FAM193A: variants seen among roughly 807,000 people sequenced by gnomAD.
The protein encoded by FAM193A is family with sequence similarity 193 member A.
Under a neutral mutation model 126.5 loss-of-function variants are expected in FAM193A, and 22 were observed. The observed-to-expected ratio is 0.17, with a 90% CI of 0.12 to 0.25. The LOEUF (loss-of-function observed/expected upper bound fraction) is 0.25. Ranked by LOEUF, FAM193A falls within the 10% of genes least tolerant of loss-of-function variation. The pLI is 1.00. For missense variants in FAM193A, 1,675 were observed against 1,672.8 expected (o/e 1.00, Z -0.02); for synonymous variants, 761 against 646.8 (o/e 1.18, Z -2.68).
chr4:2,690,838 G>A lies in FAM193A; in HGVS notation c.2671G>A (p.Asp891Asn). Residue 891 changes from aspartate to asparagine, a missense_variant, in exon 15 of 21, where the codon GAT (aspartate) becomes AAT (asparagine). Physicochemically the swap from Asp to Asn is conservative, Grantham distance 23. Around this residue, in one of 4 missense-constraint regions of FAM193A, gnomAD observed 1,186 missense variants for 1,109.2 expected, o/e 1.07. Coordinates refer to ENST00000637812, the MANE Select transcript of FAM193A (RefSeq NM_001366318.2). ...AKKKCLYNFQDAFMEANKVVM... is the reference protein window; with the variant it reads ...AKKKCLYNFQNAFMEANKVVM... ...AAAGAAATGTTTATACAATTTCCAA[G>A]ATGCTTTCATGGAAGCAAATAAAGT... The A allele has an allele frequency of 6.2e-7, 1 of 1,614,184 alleles. No homozygotes were observed. Among genetic ancestry groups the A allele is most frequent in the Non-Finnish European group, 8.5e-7 (1 of 1,180,038 alleles).
intron 19 of FAM193A, chr4:2,708,135 T>C (rs1169147474): frequency 4.5e-6 from 2 of 448,874 alleles, no homozygotes; most frequent in African/African-American, 2.0e-5. Flanking sequence ...TGTTTGTTTG[T>C]TTATTTCGAG....
chr4:2,542,329 G>A (rs1256858737), intron 1 of FAM193A, among the ~76,000 whole-genome samples: 2 of 151,874 alleles, frequency 1.3e-5, no homozygotes, highest in African/African-American at 4.8e-5. Flanking sequence ...TAGTAGAGAC[G>A]GGGTTTCACC....
chr4:2,621,954 T>C (rs1334453388), intron 2 of FAM193A, among the ~76,000 whole-genome samples: 2 of 152,138 alleles, frequency 1.3e-5, no homozygotes, highest in East Asian at 1.9e-4. Context: ...AGGTCCAGTC[T>C]ACATAAAAAC....
chr4:2,594,691 C>T (rs1002687445), intron 1 of FAM193A, among the ~76,000 whole-genome samples: 1 of 152,070 alleles, frequency 6.6e-6, no homozygotes, highest in African/African-American at 2.4e-5. Flanking sequence ...AAGGACCCGT[C>T]TTAGGATTGG....
At chr4:2,546,868 C>CA (rs1194042877) in intron 1 of FAM193A, among the ~76,000 whole-genome samples, 1 of 152,180 alleles carries the variant, frequency 6.6e-6, no homozygotes, top group Non-Finnish European at 1.5e-5. Flanking sequence ...TTTGCCTACT[C>CA]ACGCAATGTC....
chr4:2,536,243 G>A (rs1451213502), upstream of FAM193A, among the ~76,000 whole-genome samples: 2 of 151,490 alleles, frequency 1.3e-5, no homozygotes, highest in African/African-American at 4.8e-5. Flanking sequence ...TTTGCCTCGC[G>A]GGCGGCGGCG....
intron 1 of FAM193A, among the ~76,000 whole-genome samples, chr4:2,537,530 C>G (rs954872400): frequency 6.6e-6 from 1 of 152,242 alleles, no homozygotes; most frequent in Admixed American, 6.5e-5. Context: ...CTTCGCCTTC[C>G]GCTGGACCCG....
intron 20 of FAM193A, 76 bp from the exon 21 acceptor site, chr4:2,731,699 G>A (rs185139597): frequency 8.9e-7 from 1 of 1,120,416 alleles, no homozygotes; most frequent in African/African-American, 1.5e-5. Flanking sequence ...GAACAGGAGT[G>A]TGATGGGCTT....
At chr4:2,687,570 G>A (rs143260541) in intron 13 of FAM193A, among the ~76,000 whole-genome samples, 407 of 152,308 alleles carry the variant, frequency 2.7e-3, no homozygotes, top group African/African-American at 7.6e-3. Flanking sequence ...AGTGGAGCCA[G>A]CAGTGGTAGC....
chr4:2,723,820 G>T (rs543487717), intron 20 of FAM193A, among the ~76,000 whole-genome samples: 1 of 151,918 alleles, frequency 6.6e-6, no homozygotes, highest in African/African-American at 2.4e-5. Context: ...GTTTTGTTTT[G>T]TTTTTTTGAG....
intron 2 of FAM193A, among the ~76,000 whole-genome samples, chr4:2,604,980 TA>T (rs368416874): frequency 1.4e-4 from 21 of 150,060 alleles, no homozygotes; most frequent in East Asian, 7.8e-4. Context: ...TTTTTTTTTT[TA>T]AATTTTTTGT....
At chr4:2,710,418 C>A (rs371180092) in intron 19 of FAM193A, among the ~76,000 whole-genome samples, 10 of 152,026 alleles carry the variant, frequency 6.6e-5, no homozygotes, top group African/African-American at 2.4e-4. Flanking sequence ...CATGATCCAC[C>A]CGCCTTGGCC....
chr4:2,689,728 T>G, intron 14 of FAM193A, 24 bp downstream of exon 14: 1 of 1,530,354 alleles, frequency 6.5e-7, no homozygotes, highest in African/African-American at 1.4e-5. Flanking sequence ...TAAAACTTTC[T>G]TGAAGTTTTA....
At chr4:2,700,583 C>T in intron 19 of FAM193A, 39 bp downstream of exon 19, 1 of 1,576,904 alleles carries the variant, frequency 6.3e-7, no homozygotes, top group Non-Finnish European at 8.6e-7. Context: ...CTGAGCGATG[C>T]CTGGTTTTCC....
chr4:2,556,011 C>G (rs537925124), intron 1 of FAM193A, among the ~76,000 whole-genome samples: 31 of 151,708 alleles, frequency 2.0e-4, no homozygotes, highest in Non-Finnish European at 3.8e-4. Flanking sequence ...ATTCCCCTGT[C>G]TCAGCCTCCC....
intron 12 of FAM193A, among the ~76,000 whole-genome samples, chr4:2,666,831 G>A (rs1379237299): frequency 1.3e-5 from 2 of 152,208 alleles, no homozygotes; most frequent in African/African-American, 4.8e-5. Context: ...TAATTCTGCA[G>A]TGCCTGCAGT....
chr4:2,567,283 AACAGAAACCTTGCAT>A (rs1739026895), intron 1 of FAM193A, among the ~76,000 whole-genome samples: 1 of 152,042 alleles, frequency 6.6e-6, no homozygotes. Flanking sequence ...GCTGAATTTC[AACAGAAACCTTGCAT>A]AATTGATTGA....
At chr4:2,543,891 A>AAG (rs1273045807) in intron 1 of FAM193A, among the ~76,000 whole-genome samples, 2 of 151,222 alleles carry the variant, frequency 1.3e-5, no homozygotes, top group Admixed American at 6.6e-5. Context: ...AAAAAAAAAA[A>AAG]AAAACCAAAA....
intron 5 of FAM193A, among the ~76,000 whole-genome samples, chr4:2,637,468 CA>C (rs1323107432): frequency 6.6e-6 from 1 of 152,186 alleles, no homozygotes; most frequent in Non-Finnish European, 1.5e-5. Flanking sequence ...TTTTCATCGA[CA>C]AAGACAGAAA....
Sources: allele counts gnomAD v4.1 joint callset (sites outside exome capture counted in the v4.1 genomes callset), GRCh38; gene constraint gnomAD v4.1.1; regional missense constraint gnomAD v4.1.1; transcripts MANE v1.5; gene names NCBI Gene and HGNC (gene_info 2026-07-23, HGNC 2026-07-21).